ZBTB7C: variants seen among roughly 807,000 people sequenced by gnomAD.
ZBTB7C encodes zinc finger and BTB domain containing 7C, also known as zinc finger and BTB domain-containing protein 7C.
ZBTB7C carries 8 observed loss-of-function variants against 25.7 expected under a neutral mutation model. The ratio of observed to expected loss-of-function variants is 0.31; its 90% CI spans 0.18 to 0.56. The LOEUF is 0.56. Among genes scored for constraint, ZBTB7C ranks in the 20% least tolerant of loss-of-function variants. The probability of loss-of-function intolerance (pLI) is 0.91; values close to 1 mark genes in which losing one functional copy is unlikely to be tolerated. For missense variants in ZBTB7C, 824 were observed against 855.2 expected, an observed-to-expected ratio of 0.96 and a Z score of 0.46; for synonymous variants, 394 against 369.0, an observed-to-expected ratio of 1.07 and a Z score of -0.78.
At chr18:48,146,218 G>T (rs1368128859) in intron 3 of ZBTB7C, among the ~76,000 whole-genome samples, 1 of 152,046 alleles carries the variant, frequency 6.6e-6, no homozygotes, top group Non-Finnish European at 1.5e-5. Context: ...AATTTAAGTG[G>T]AATAAAAGTT....
At chr18:48,228,291 C>T (rs191595544) in intron 2 of ZBTB7C, among the ~76,000 whole-genome samples, 6 of 152,278 alleles carry the variant, frequency 3.9e-5, no homozygotes, top group Admixed American at 2.6e-4. Context: ...AGGCAGACTA[C>T]GAGACTGATT....
chr18:48,362,242 C>G (rs2047123116), intron 1 of ZBTB7C, among the ~76,000 whole-genome samples: 1 of 152,226 alleles, frequency 6.6e-6, no homozygotes, highest in Non-Finnish European at 1.5e-5. Context: ...AGTGAGCTGA[C>G]AGTCCCTTTT....
intron 2 of ZBTB7C, among the ~76,000 whole-genome samples, chr18:48,190,690 G>A (rs772852266): frequency 2.6e-5 from 4 of 152,210 alleles, no homozygotes; most frequent in Non-Finnish European, 5.9e-5. Flanking sequence ...CAGCGACTGT[G>A]GGCTTCAGTG....
At chr18:48,399,109 A>C (rs558481395) in intron 1 of ZBTB7C, among the ~76,000 whole-genome samples, 1 of 152,346 alleles carries the variant, frequency 6.6e-6, no homozygotes, top group East Asian at 1.9e-4. Context: ...TTAAGTGCAA[A>C]GTGAGATTCA....
chr18:48,389,236 C>CTCTCGTGTGTGT (rs2047833632), intron 1 of ZBTB7C, among the ~76,000 whole-genome samples: 2 of 62,368 alleles, frequency 3.2e-5, no homozygotes, highest in African/African-American at 1.4e-4. Flanking sequence ...CTCTCTCTCT[C>CTCTCGTGTGTGT]GTGTGTGTGT....
At chr18:48,109,715 C>CA (rs1486450150) in intron 3 of ZBTB7C, among the ~76,000 whole-genome samples, 1 of 152,030 alleles carries the variant, frequency 6.6e-6, no homozygotes, top group Non-Finnish European at 1.5e-5. Flanking sequence ...AGGGAGGGGG[C>CA]AAGGGCTGCG....
intron 2 of ZBTB7C, among the ~76,000 whole-genome samples, chr18:48,302,662 T>TA (rs1421243761): frequency 6.6e-6 from 1 of 152,190 alleles, no homozygotes; most frequent in Non-Finnish European, 1.5e-5. Flanking sequence ...TGGCTGGAGT[T>TA]AGATATTTGA....
At chr18:48,218,128 T>A (rs574974080) in intron 2 of ZBTB7C, among the ~76,000 whole-genome samples, 1 of 152,204 alleles carries the variant, frequency 6.6e-6, no homozygotes, top group African/African-American at 2.4e-5. Context: ...GGTTCCGGGG[T>A]GGCTCACTAG....
chr18:48,137,355 G>A (rs2040204316), intron 3 of ZBTB7C: 1 of 983,602 alleles, frequency 1.0e-6, no homozygotes, highest in African/African-American at 1.7e-5. Context: ...AAGGGCGGTG[G>A]AGGAGCTTTT....
intron 3 of ZBTB7C, among the ~76,000 whole-genome samples, chr18:48,174,013 T>C (rs2041587039): frequency 6.6e-6 from 1 of 152,242 alleles, no homozygotes; most frequent in African/African-American, 2.4e-5. Flanking sequence ...TTAGAATCTA[T>C]ATGAAAATTA....
intron 3 of ZBTB7C, among the ~76,000 whole-genome samples, chr18:48,168,274 G>A (rs183922278): frequency 1.3e-5 from 2 of 152,112 alleles, no homozygotes. Flanking sequence ...GCAACCTCCT[G>A]GGATCCCTGC....
chr18:48,076,252 C>T (rs2037758380), intron 3 of ZBTB7C, among the ~76,000 whole-genome samples: 1 of 152,158 alleles, frequency 6.6e-6, no homozygotes, highest in South Asian at 2.1e-4. Context: ...TAGGAGGCAG[C>T]TAATCAGTCT....
chr18:48,348,234 A>G (rs2046785581), intron 1 of ZBTB7C, among the ~76,000 whole-genome samples: 1 of 152,202 alleles, frequency 6.6e-6, no homozygotes, highest in Non-Finnish European at 1.5e-5. Flanking sequence ...AGCAGAAGGC[A>G]AGTTCAGATT....
chr18:48,188,951 A>G (rs1332749748), intron 2 of ZBTB7C, among the ~76,000 whole-genome samples: 1 of 152,202 alleles, frequency 6.6e-6, no homozygotes, highest in African/African-American at 2.4e-5. Context: ...CCCGTAATCA[A>G]TCACTTCTTA....
intron 2 of ZBTB7C, among the ~76,000 whole-genome samples, chr18:48,332,327 G>C (rs2046358645): frequency 6.6e-6 from 1 of 152,200 alleles, no homozygotes; most frequent in South Asian, 2.1e-4. Flanking sequence ...TTGGTAGTTA[G>C]AGCTATCACT....
chr18:48,249,734 T>G (rs1332049195), intron 2 of ZBTB7C, among the ~76,000 whole-genome samples: 1 of 152,224 alleles, frequency 6.6e-6, no homozygotes, highest in Non-Finnish European at 1.5e-5. Flanking sequence ...GCACCAACTA[T>G]CAATTTGTAC....
intron 3 of ZBTB7C, among the ~76,000 whole-genome samples, chr18:48,156,071 C>T (rs560151052): frequency 2.6e-4 from 39 of 152,304 alleles, no homozygotes; most frequent in African/African-American, 8.2e-4. Flanking sequence ...TGTGTAGGAA[C>T]GTGTGCATTT....
intron 1 of ZBTB7C, among the ~76,000 whole-genome samples, chr18:48,397,217 A>C (rs931745018): frequency 6.6e-6 from 1 of 152,244 alleles, no homozygotes; most frequent in Admixed American, 6.5e-5. Context: ...TGAACTGCAC[A>C]GGGCGGGAAC....
intron 2 of ZBTB7C, among the ~76,000 whole-genome samples, chr18:48,304,149 G>A (rs1043060881): frequency 2.6e-5 from 4 of 152,186 alleles, no homozygotes; most frequent in Non-Finnish European, 5.9e-5. Flanking sequence ...TCTATGTGCA[G>A]GGGCCCCACA....
Sources: gnomAD v4.1 joint callset for allele counts (sites outside exome capture counted in the v4.1 genomes callset) on GRCh38, gnomAD v4.1.1 for gene constraint, MANE v1.5 for transcripts, NCBI Gene and HGNC (gene_info 2026-07-23, HGNC 2026-07-21) for gene names.